Variants in PHACTR1 observed in about 807,000 individuals in gnomAD.
PHACTR1 encodes phosphatase and actin regulator 1.
In PHACTR1, 16 loss-of-function variants were observed where a neutral mutation model predicts 69.2. The observed-to-expected ratio is 0.23, with a 90% confidence interval of 0.16 to 0.35. The LOEUF is 0.35. PHACTR1 is among the 10% of genes least tolerant of loss of function. The probability of loss-of-function intolerance (pLI) is 1.00; values close to 1 mark genes in which losing one functional copy is unlikely to be tolerated. For missense variants in PHACTR1, 510 were observed against 734.7 expected, an observed-to-expected ratio of 0.69 and a Z score of 3.54; for synonymous variants, 312 against 284.5, an observed-to-expected ratio of 1.10 and a Z score of -0.97.
intron 4 of PHACTR1, among the ~76,000 whole-genome samples, chr6:12,937,435 A>C (rs1582588222): frequency 1.3e-5 from 2 of 151,594 alleles, no homozygotes; most frequent in African/African-American, 4.9e-5. Flanking sequence ...TGCAACCTCC[A>C]CCTCCTGGGT....
chr6:13,234,255 C>A (rs1771659330), intron 10 of PHACTR1, among the ~76,000 whole-genome samples: 3 of 152,196 alleles, frequency 2.0e-5, no homozygotes, highest in South Asian at 4.1e-4. Flanking sequence ...TCTTTCATTC[C>A]CTAGTCATTT....
chr6:13,224,093 G>T (rs1470766804), intron 8 of PHACTR1, among the ~76,000 whole-genome samples: 1 of 152,172 alleles, frequency 6.6e-6, no homozygotes, highest in African/African-American at 2.4e-5. Flanking sequence ...TTCGGCTAAA[G>T]CAATAGACAA....
At chr6:13,251,129 G>A (rs147983597) in intron 10 of PHACTR1, among the ~76,000 whole-genome samples, 3,017 of 152,288 alleles carry the variant, frequency 0.02, 45 homozygotes, top group South Asian at 0.048. Flanking sequence ...TCAGGGCCCC[G>A]AGTGGCTGTG....
At chr6:12,878,729 C>T (rs2127451644) in intron 4 of PHACTR1, among the ~76,000 whole-genome samples, 1 of 152,254 alleles carries the variant, frequency 6.6e-6, no homozygotes, top group Non-Finnish European at 1.5e-5. Context: ...GTGAATATTT[C>T]ACTTCTGAAA....
At chr6:13,242,035 CA>C (rs747990237) in intron 10 of PHACTR1, among the ~76,000 whole-genome samples, 5,545 of 58,612 alleles carry the variant, frequency 0.095, 245 homozygotes, top group African/African-American at 0.25. Context: ...GATTCTGTCT[CA>C]AAAAAAAAAA....
At chr6:13,051,202 T>C (rs769435891) in intron 4 of PHACTR1, among the ~76,000 whole-genome samples, 1 of 152,200 alleles carries the variant, frequency 6.6e-6, no homozygotes, top group Non-Finnish European at 1.5e-5. Context: ...TCTTCTGGCA[T>C]ACTCTATAAT....
At chr6:12,933,224 T>A (rs1192351101) in intron 4 of PHACTR1, among the ~76,000 whole-genome samples, 1 of 152,188 alleles carries the variant, frequency 6.6e-6, no homozygotes. Context: ...ATTACAGGCA[T>A]GAGCCACTAC....
intron 4 of PHACTR1, among the ~76,000 whole-genome samples, chr6:12,751,664 T>C (rs554470128): frequency 3.9e-5 from 6 of 152,372 alleles, no homozygotes; most frequent in South Asian, 2.1e-4. Context: ...TCTTTTATTT[T>C]GGTTAAATTG....
chr6:13,284,888 C>T (rs1781317921), intron 13 of PHACTR1, among the ~76,000 whole-genome samples: 1 of 152,112 alleles, frequency 6.6e-6, no homozygotes, highest in Admixed American at 6.5e-5. Context: ...GGTCAACCCA[C>T]AGACACCATG....
chr6:13,165,441 A>C (rs1759652765), intron 6 of PHACTR1, among the ~76,000 whole-genome samples: 1 of 152,198 alleles, frequency 6.6e-6, no homozygotes, highest in South Asian at 2.1e-4. Context: ...ACAAATTGGC[A>C]CCAGGTGCTC....
chr6:13,112,104 C>G (rs1055472282), intron 5 of PHACTR1, among the ~76,000 whole-genome samples: 1 of 152,162 alleles, frequency 6.6e-6, no homozygotes, highest in African/African-American at 2.4e-5. Context: ...ATTTAGCTCC[C>G]ACTTATAAGT....
At chr6:12,860,001 C>CATCATCATT (rs2127423214) in intron 4 of PHACTR1, among the ~76,000 whole-genome samples, 1 of 151,636 alleles carries the variant, frequency 6.6e-6, no homozygotes, top group Admixed American at 6.6e-5. Flanking sequence ...TCATCATCAT[C>CATCATCATT]ATCATTATTA....
intron 10 of PHACTR1, among the ~76,000 whole-genome samples, chr6:13,257,328 C>T (rs1417153970): frequency 1.3e-5 from 2 of 152,212 alleles, no homozygotes; most frequent in Non-Finnish European, 2.9e-5. Context: ...TCCCACCAGG[C>T]TGCACCTCCA....
chr6:12,877,620 T>C (rs1455187174), intron 4 of PHACTR1, among the ~76,000 whole-genome samples: 1 of 152,138 alleles, frequency 6.6e-6, no homozygotes, highest in Non-Finnish European at 1.5e-5. Context: ...GAAGGGTCCC[T>C]AGGTGTGCCC....
intron 5 of PHACTR1, among the ~76,000 whole-genome samples, chr6:13,054,879 T>G (rs958935863): frequency 6.6e-6 from 1 of 152,196 alleles, no homozygotes; most frequent in East Asian, 1.9e-4. Context: ...CATTTCCTTC[T>G]TCCCTCTACA....
intron 10 of PHACTR1, among the ~76,000 whole-genome samples, chr6:13,263,247 T>G (rs1020816329): frequency 5.4e-5 from 8 of 149,226 alleles, no homozygotes; most frequent in African/African-American, 7.5e-5. Context: ...TGTTTTTTTT[T>G]TTTTTTTTTT....
chr6:12,881,422 T>C (rs941994767), intron 4 of PHACTR1, among the ~76,000 whole-genome samples: 2 of 152,130 alleles, frequency 1.3e-5, no homozygotes, highest in Non-Finnish European at 2.9e-5. Context: ...AAGAGCTCTT[T>C]AAAATGTCAC....
At chr6:12,766,944 T>C (rs1768690397) in intron 4 of PHACTR1, among the ~76,000 whole-genome samples, 1 of 152,240 alleles carries the variant, frequency 6.6e-6, no homozygotes, top group South Asian at 2.1e-4. Flanking sequence ...TGTAAGCATG[T>C]CTATTGAAAA....
intron 10 of PHACTR1, among the ~76,000 whole-genome samples, chr6:13,249,672 G>A (rs1200115846): frequency 1.2e-4 from 18 of 151,920 alleles, no homozygotes; most frequent in Middle Eastern, 3.4e-3. Context: ...GGTGGCAGGC[G>A]CCTGTAATCC....
Sources: gnomAD v4.1 joint callset for allele counts (sites outside exome capture counted in the v4.1 genomes callset) on GRCh38, gnomAD v4.1.1 for gene constraint, MANE v1.5 for transcripts, NCBI Gene and HGNC (gene_info 2026-07-23, HGNC 2026-07-21) for gene names.